Variants in FRYL observed in about 807,000 individuals in gnomAD.
FRYL encodes the protein FRY like transcription coactivator.
Under a neutral mutation model 351.2 loss-of-function variants are expected in FRYL, and 150 were observed. That is an observed-to-expected ratio of 0.43 (90% CI 0.37 to 0.49). The LOEUF is 0.49. FRYL is among the 20% of genes least tolerant of loss of function. The pLI, the probability that FRYL is intolerant of heterozygous loss-of-function variation, is 0.00. For synonymous variants in FRYL, 1,153 were observed against 1,257.1 expected (o/e 0.92, Z 1.75); for missense variants, 3,036 against 3,619.3 (o/e 0.84, Z 4.13).
rs561354937 is a variant in FRYL at position 48,542,713 on chromosome 4, G to C, written c.5593-592C>G. On this transcript the variant is annotated intron_variant, in intron 44 of 63. Transcript: ENST00000358350. Reference sequence around the variant, plus strand: ...TTATAGGTGTGAGCCACAGTGCCTGGCTGAAAATATCACTTTTAAAATACA... The same window carrying C: ...TTATAGGTGTGAGCCACAGTGCCTGCCTGAAAATATCACTTTTAAAATACA... 3.3e-5 allele frequency among the ~76,000 whole-genome samples: 5 copies of C among 152,244 alleles called. No individual in the cohort carries two copies. In the East Asian group the frequency reaches 9.6e-4, roughly 29 times the overall value.
At chr4:48,739,347 G>C (rs1393530567) in intron 1 of FRYL, among the ~76,000 whole-genome samples, 2 of 145,056 alleles carry the variant, frequency 1.4e-5, no homozygotes, top group Non-Finnish European at 3.0e-5. Flanking sequence ...GCAGAAGTGA[G>C]CCAAGATTGT....
In FRYL at chr4:48,631,494, C is replaced by T. The variant is rs79808724; in HGVS notation, c.120+2797G>A. On this transcript the variant is annotated intron_variant, in intron 4 of 63. Coordinates refer to ENST00000358350, the MANE Select transcript of FRYL (RefSeq NM_015030.2). ...ACAAAAGGCACACACCACAGCAATACTTCTTAAGGCTACATTCATTAAAAT... is the reference window on the plus strand; with the variant it reads ...ACAAAAGGCACACACCACAGCAATATTTCTTAAGGCTACATTCATTAAAAT... 6.6e-3 allele frequency among the ~76,000 whole-genome samples: 996 copies of T among 152,016 alleles called. 6 individuals carry two copies. Among genetic ancestry groups the T allele is most frequent in the African/African-American group, 0.023 (933 of 41,444 alleles).
intron 3 of FRYL, chr4:48,637,550 T>G (rs1754483854): frequency 6.6e-6 from 1 of 150,526 alleles, no homozygotes; most frequent in South Asian, 2.1e-4. Context: ...ACTGTTAATA[T>G]AATTCTAAAG....
intron 18 of FRYL, among the ~76,000 whole-genome samples, chr4:48,587,593 G>A (rs1296170401): frequency 6.6e-6 from 1 of 151,820 alleles, no homozygotes; most frequent in African/African-American, 2.4e-5. Flanking sequence ...GCCCAGACTG[G>A]AGTGCAATGG....
At chr4:48,768,241 A>C (rs1257786642) in intron 1 of FRYL, among the ~76,000 whole-genome samples, 4 of 152,218 alleles carry the variant, frequency 2.6e-5, no homozygotes, top group Non-Finnish European at 5.9e-5. Flanking sequence ...TCTCATCTGA[A>C]TTGCGATAGC....
intron 3 of FRYL, among the ~76,000 whole-genome samples, chr4:48,658,184 G>A (rs1176588181): frequency 1.3e-5 from 2 of 151,998 alleles, no homozygotes; most frequent in Non-Finnish European, 2.9e-5. Flanking sequence ...GAATTAAATG[G>A]TCTGGCTAAA....
intron 1 of FRYL, among the ~76,000 whole-genome samples, chr4:48,743,287 A>C (rs796083870): frequency 2.6e-5 from 4 of 152,320 alleles, no homozygotes; most frequent in African/African-American, 9.6e-5. Flanking sequence ...CACACCTAAA[A>C]ATCACAAATC....
At chr4:48,632,091 AATATATATATAT>A (rs1560753223) in intron 4 of FRYL, among the ~76,000 whole-genome samples, 745 of 23,294 alleles carry the variant, frequency 0.032, 11 homozygotes, top group Middle Eastern at 0.077. Flanking sequence ...AAAAAAAAAA[AATATATATATAT>A]ATATATATAT....
chr4:48,556,105 G>A (rs1184421200), intron 35 of FRYL, among the ~76,000 whole-genome samples: 1 of 152,168 alleles, frequency 6.6e-6, no homozygotes, highest in Non-Finnish European at 1.5e-5. Flanking sequence ...ATGTTGGCCA[G>A]GCTGGCCTCG....
Position 48,567,455 on chromosome 4 carries a change from A to G in FRYL, c.2997-35T>C. ...TTGAAGAAAACAAAAGATGAAGTAA[A>G]TGGGACTTTATGATTTAAATAAAAA... is the stretch of plus-strand genomic sequence containing the variant. On this transcript the variant is annotated intron_variant, in intron 27 of 63. Coordinates refer to ENST00000358350, the MANE Select transcript of FRYL (RefSeq NM_015030.2). This position sits in a 1 kb window ranked among gnomAD's most constrained non-coding sequence, Gnocchi z 4.2. The G allele has an allele frequency of 6.8e-7, 1 of 1,462,756 alleles. No individual in the cohort carries two copies. Among genetic ancestry groups the G allele is most frequent in the Non-Finnish European group, 9.2e-7 (1 of 1,086,238 alleles). The allele number at this position is 1,462,756 out of a possible 1,614,324, so 90.6% of individuals were successfully genotyped here. A position where few individuals can be genotyped will look rare whatever the true frequency, so the allele number is the denominator to read the frequency against.
At chr4:48,715,154 A>G (rs1355031287) in intron 1 of FRYL, among the ~76,000 whole-genome samples, 2 of 151,970 alleles carry the variant, frequency 1.3e-5, no homozygotes, top group Non-Finnish European at 2.9e-5. Flanking sequence ...TGACAAACCC[A>G]CAGCCCATAT....
chr4:48,658,584 C>CAAAA (rs11388062), intron 3 of FRYL, among the ~76,000 whole-genome samples: 9 of 95,852 alleles, frequency 9.4e-5, no homozygotes, highest in African/African-American at 3.3e-4. Flanking sequence ...CAAAAAAATA[C>CAAAA]AAAAAAAAAA....
At chr4:48,628,058 A>G (rs1752194395) in intron 4 of FRYL, among the ~76,000 whole-genome samples, 1 of 152,222 alleles carries the variant, frequency 6.6e-6, no homozygotes, top group African/African-American at 2.4e-5. Context: ...GGCGTGAGCC[A>G]CCATGCCCGG....
intron 8 of FRYL, 52 bp from the exon 9 acceptor site, chr4:48,609,119 T>C (rs769765259): frequency 1.7e-6 from 2 of 1,171,792 alleles, no homozygotes; most frequent in African/African-American, 3.0e-5. Context: ...TTCTACAAAC[T>C]CTCTTTCCTA....
rs997506762 is a variant in FRYL, at chr4:48,708,042, G to A, written c.-204+2477C>T. Among the ~76,000 whole-genome samples, 33 of 151,912 alleles carry A rather than the reference G, an allele frequency of 2.2e-4. 1 individual carries two copies. The highest frequency in any genetic ancestry group is 2.0e-3 in the Admixed American group (31 of 15,252). ...TCACTGTGTTAGCCAGGATGATCTC[G>A]ATCTTCTGACCTCGTGATCAGCCTG... On this transcript the variant is annotated intron_variant, in intron 2 of 63. Coordinates refer to ENST00000358350, the MANE Select transcript of FRYL (RefSeq NM_015030.2).
chr4:48,567,182 C>G lies in FRYL; in HGVS notation c.3169+66G>C. On this transcript the variant is annotated intron_variant, in intron 28 of 63. Transcript: ENST00000358350. The surrounding 1 kb of genome is among the most constrained non-coding windows in gnomAD (Gnocchi z 4.2). The stretch of plus-strand genomic sequence containing the variant: ...TTTATCAACTTAGATTATTAAACCT[C>G]AAGGAAAGAAAAAATATGACGGTTC... 7.3e-7 allele frequency: 1 copy of G among 1,361,500 alleles called. No homozygotes were observed. Among genetic ancestry groups the G allele is most frequent in the Non-Finnish European group, 1.0e-6 (1 of 996,222 alleles). The allele number at this position is 1,361,500 out of a possible 1,614,324, so 84.3% of individuals were successfully genotyped here.
chr4:48,760,034 T>C (rs1049240815), intron 1 of FRYL, among the ~76,000 whole-genome samples: 9 of 152,206 alleles, frequency 5.9e-5, no homozygotes, highest in East Asian at 3.8e-4. Flanking sequence ...GAATTTTTTT[T>C]CCCTCATTTT....
chr4:48,528,098 A>T, intron 51 of FRYL, 53 bp from the exon 52 acceptor site: 5 of 1,557,796 alleles, frequency 3.2e-6, no homozygotes, highest in Non-Finnish European at 3.5e-6. Context: ...AATAAGACAA[A>T]TTCTCAAGTT....
At chr4:48,515,614 T>C (rs1301544643) in intron 55 of FRYL, among the ~76,000 whole-genome samples, 1 of 152,092 alleles carries the variant, frequency 6.6e-6, no homozygotes, top group Non-Finnish European at 1.5e-5. Context: ...CCTTGTGATC[T>C]GCCCGCCTTG....
Sources: gnomAD v4.1 joint callset for allele counts (sites outside exome capture counted in the v4.1 genomes callset) on GRCh38, gnomAD v4.1.1 for gene constraint, Gnocchi (gnomAD v3.1) non-coding constraint, MANE v1.5 for transcripts, NCBI Gene and HGNC (gene_info 2026-07-23, HGNC 2026-07-21) for gene names.